COXFA4L2: variants seen among roughly 807,000 people sequenced by gnomAD.
COXFA4L2 encodes cytochrome c oxidase hypoxia associated subunit FA4L2, also known as NADH dehydrogenase (ubiquinone) 1 alpha subcomplex, 4-like 2.
the COXFA4L2 span, chr12:57,240,627 C>T: frequency 2.0e-6 from 2 of 978,132 alleles, no homozygotes; most frequent in East Asian, 1.1e-4. Flanking sequence ...CACGCCGCCG[C>T]GCGGCTCACA....
chr12:57,237,291 C>A, the COXFA4L2 span: 2 of 1,434,616 alleles, frequency 1.4e-6, no homozygotes, highest in Non-Finnish European at 1.8e-6. Flanking sequence ...TGTCTGGGAG[C>A]CAAGTGGTTT....
chr12:57,237,556 C>A, the COXFA4L2 span, among the ~76,000 whole-genome samples: 1 of 152,168 alleles, frequency 6.6e-6, no homozygotes, highest in Middle Eastern at 3.2e-3. Context: ...AGGAGCGGGT[C>A]CTGAGAACCC....
the COXFA4L2 span, chr12:57,236,906 G>T: frequency 7.3e-7 from 1 of 1,363,232 alleles, no homozygotes; most frequent in Non-Finnish European, 1.0e-6. Context: ...AGAGACTGGG[G>T]CAACCTTAGG....
the COXFA4L2 span, chr12:57,235,728 C>T: frequency 2.8e-5 from 45 of 1,607,990 alleles, no homozygotes; most frequent in Non-Finnish European, 3.6e-5. Context: ...GGGGGGCAAC[C>T]CTAGAGCCAT....
chr12:57,235,775 G>T, the COXFA4L2 span: 1 of 1,578,848 alleles, frequency 6.3e-7, no homozygotes, highest in South Asian at 1.2e-5. Context: ...GGGCTCAGGC[G>T]GTTCCAGGGC....
chr12:57,237,036 T>G, the COXFA4L2 span: 27 of 1,614,080 alleles, frequency 1.7e-5, no homozygotes, highest in African/African-American at 2.7e-5. Flanking sequence ...CACCCCCGGA[T>G]GTCTTTTGAT....
the COXFA4L2 span, chr12:57,236,830 T>G: frequency 1.0e-6 from 1 of 997,030 alleles, no homozygotes; most frequent in Non-Finnish European, 1.5e-6. Flanking sequence ...CCTGGCATGG[T>G]CTCCCTCACC....
At chr12:57,240,021 G>T in the COXFA4L2 span, 1 of 152,202 alleles carries the variant, frequency 6.6e-6, no homozygotes, top group African/African-American at 2.4e-5. Context: ...CGTCAACTCC[G>T]CGCAGCGTTG....
chr12:57,235,339 C>T, the COXFA4L2 span: 3 of 595,400 alleles, frequency 5.0e-6, no homozygotes, highest in Non-Finnish European at 3.0e-6. Context: ...GCCTCCTCCT[C>T]CCCCACGTGG....
the COXFA4L2 span, chr12:57,236,553 T>C: frequency 6.6e-7 from 1 of 1,506,572 alleles, no homozygotes; most frequent in East Asian, 2.4e-5. Flanking sequence ...CCATCTTGCC[T>C]CACCCAGGCC....
At chr12:57,235,786 TC>T in the COXFA4L2 span, 2 of 1,557,942 alleles carry the variant, frequency 1.3e-6, no homozygotes, top group Non-Finnish European at 1.7e-6. Flanking sequence ...GTTCCAGGGC[TC>T]CGGGTTGTTC....
At chr12:57,235,588 A>C in the COXFA4L2 span, 4 of 1,614,106 alleles carry the variant, frequency 2.5e-6, no homozygotes, top group Non-Finnish European at 3.4e-6. Flanking sequence ...GTCCTTCTTC[A>C]GCTTCTTATA....
chr12:57,238,182 A>T, the COXFA4L2 span, among the ~76,000 whole-genome samples: 29 of 151,864 alleles, frequency 1.9e-4, no homozygotes, highest in African/African-American at 4.8e-4. The surrounding 1 kb of genome is among the most constrained non-coding windows in gnomAD (Gnocchi z 6.8). Context: ...GGAGCGAGCT[A>T]TGCACCCGTC....
the COXFA4L2 span, chr12:57,240,550 G>A: frequency 1.3e-5 from 5 of 372,578 alleles, no homozygotes; most frequent in Non-Finnish European, 1.9e-5. Context: ...GTGGGGGCGG[G>A]AGACTCACCC....
the COXFA4L2 span, chr12:57,236,338 C>T: frequency 6.3e-6 from 3 of 477,686 alleles, no homozygotes; most frequent in Non-Finnish European, 1.1e-5. Context: ...GGCTGAGCGG[C>T]GTCGTCATGG....
the COXFA4L2 span, chr12:57,237,242 CT>C: frequency 6.7e-7 from 1 of 1,485,704 alleles, no homozygotes; most frequent in Non-Finnish European, 8.9e-7. Context: ...ACTTAGCTCA[CT>C]TTCTCCTCAA....
chr12:57,239,422 G>C, the COXFA4L2 span: 767 of 152,426 alleles, frequency 5.0e-3, 2 homozygotes, highest in Non-Finnish European at 8.5e-3. This position sits in a 1 kb window ranked among gnomAD's most constrained non-coding sequence, Gnocchi z 5.5. Flanking sequence ...GTGTGAGATG[G>C]GACCGGAGGG....
At chr12:57,235,643 TG>T in the COXFA4L2 span, 1 of 1,613,782 alleles carries the variant, frequency 6.2e-7, no homozygotes, top group East Asian at 2.2e-5. Flanking sequence ...GAAAGGGGGT[TG>T]CGCTGAGTAC....
chr12:57,235,437 C>T, the COXFA4L2 span: 1 of 1,060,384 alleles, frequency 9.4e-7, no homozygotes, highest in African/African-American at 1.6e-5. Flanking sequence ...GCGTGGGAAC[C>T]CGGCCTGTGT....
Sources: gnomAD v4.1 joint callset for allele counts (sites outside exome capture counted in the v4.1 genomes callset) on GRCh38, gnomAD v4.1.1 for gene constraint, Gnocchi (gnomAD v3.1) non-coding constraint, MANE v1.5 for transcripts, NCBI Gene and HGNC (gene_info 2026-07-23, HGNC 2026-07-21) for gene names.